TACC2: variants seen among roughly 807,000 people sequenced by gnomAD.
TACC2 encodes the protein transforming acidic coiled-coil containing protein 2.
A neutral mutation model predicts 227.3 loss-of-function variants in TACC2; 137 were observed. That is an observed-to-expected ratio of 0.60 (90% CI 0.52 to 0.69). The LOEUF (loss-of-function observed/expected upper bound fraction) is 0.69, where lower values mean the gene tolerates loss of function less well. TACC2 is among the 30% of genes least tolerant of loss of function. The pLI is 0.00. For missense variants in TACC2, 3,470 were observed against 3,694.4 expected (o/e 0.94, Z 1.57); for synonymous variants, 1,523 against 1,487.5 (o/e 1.02, Z -0.55).
In TACC2 at chr10:122,087,044, G is replaced by T; in HGVS notation, c.4544G>T (p.Gly1515Val). 6.2e-7 allele frequency: 1 copy of T among 1,613,720 alleles called. No individual in the cohort carries two copies. Residue 1515 changes from glycine (G) to valine (V), a missense_variant, in exon 4 of 23, where the codon GGG becomes GTG. Transcript: ENST00000369005. ...WERNLPGAGV[G>V]KEMAGVPPTL... is the part of the protein sequence containing the mutation. ...CGGAACTTGCCAGGTGCCGGTGTGG[G>T]GAAGGAGATGGCAGGTGTCCCACCC...
chr10:122,021,098 C>T (rs1039765844), intron 1 of TACC2, among the ~76,000 whole-genome samples: 15 of 152,142 alleles, frequency 9.9e-5, no homozygotes, highest in South Asian at 2.1e-4. Flanking sequence ...GGTGTGGTGG[C>T]GGGCGTCTGT....
In TACC2 at chr10:122,214,347, A is replaced by AT. The variant is rs200016842; in HGVS notation, c.7284-1035dup. 3.8e-3 allele frequency among the ~76,000 whole-genome samples: 574 copies of AT among 151,758 alleles called. 4 individuals are homozygous for AT. The highest frequency in any genetic ancestry group is 0.012 in the African/African-American group (486 of 41,424). On this transcript the variant is annotated intron_variant, in intron 9 of 22. Coordinates refer to ENST00000369005, the MANE Select transcript of TACC2 (RefSeq NM_206862.4). The stretch of plus-strand genomic sequence containing the variant: ...TTATAAATGCTGTAAATAGCCATTT[A>AT]TTTTTTTTTCATGATTAAATGCCAT...
intron 2 of TACC2, among the ~76,000 whole-genome samples, chr10:122,034,802 C>T (rs550686098): frequency 5.3e-5 from 8 of 151,942 alleles, no homozygotes; most frequent in African/African-American, 1.2e-4. Flanking sequence ...TGGTGGTGCA[C>T]GCTTAATCCC....
rs1046782523 is a variant in TACC2 at position 122,141,339 on chromosome 10, A to AG, written c.5700-2227dup. ...GTATGAGCCAACAGGCGGTGGAAGG[A>AG]GGGGGGCGCCTTTCTTAAATGAGCT... On this transcript the variant is annotated intron_variant, in intron 6 of 22. Coordinates refer to ENST00000369005, the MANE Select transcript of TACC2 (RefSeq NM_206862.4). This position sits in a 1 kb window ranked among gnomAD's most constrained non-coding sequence, Gnocchi z 4.3. 6.6e-6 allele frequency among the ~76,000 whole-genome samples: 1 copy of AG among 151,900 alleles called. No homozygotes were observed. The highest frequency in any genetic ancestry group is 6.6e-5 in the Admixed American group (1 of 15,240).
intron 1 of TACC2, among the ~76,000 whole-genome samples, chr10:122,008,261 A>AT (rs1554958025): frequency 3.1e-5 from 2 of 65,172 alleles, no homozygotes; most frequent in African/African-American, 1.2e-4. Flanking sequence ...TATTATTATT[A>AT]TTATTTTTTT....
At chr10:122,054,375 G>T (rs931889434) in intron 3 of TACC2, among the ~76,000 whole-genome samples, 3 of 152,192 alleles carry the variant, frequency 2.0e-5, no homozygotes, top group African/African-American at 7.2e-5. Context: ...ATCTCTTTCT[G>T]CTCAGCAGTG....
chr10:122,241,786 A>T (rs1315304524), intron 18 of TACC2, 172 bp from the exon 19 acceptor site: 1 of 657,334 alleles, frequency 1.5e-6, no homozygotes, highest in Non-Finnish European at 2.8e-6. Flanking sequence ...AGGGAGTGGC[A>T]TATTTAGAGT....
At chr10:122,187,060 C>T (rs981898742) in intron 7 of TACC2, among the ~76,000 whole-genome samples, 10 of 152,190 alleles carry the variant, frequency 6.6e-5, no homozygotes, top group African/African-American at 2.4e-4. Context: ...GCGCTTCCTG[C>T]AGTGGGCCCT....
intron 3 of TACC2, among the ~76,000 whole-genome samples, chr10:122,076,836 C>T (rs1236279695): frequency 2.6e-5 from 4 of 151,938 alleles, no homozygotes; most frequent in Non-Finnish European, 2.9e-5. Context: ...TGATCTGGGC[C>T]GGGTGCGGTG....
intron 5 of TACC2, chr10:122,088,833 A>C: frequency 7.5e-7 from 1 of 1,342,172 alleles, no homozygotes; most frequent in Non-Finnish European, 1.0e-6. Flanking sequence ...TAAATTTAAA[A>C]AGTCAGTCTG....
chr10:122,013,623 C>T (rs931300738), intron 1 of TACC2, among the ~76,000 whole-genome samples: 2 of 152,168 alleles, frequency 1.3e-5, no homozygotes, highest in South Asian at 2.1e-4. Context: ...ACCTGAGCTC[C>T]CCCTCGATGA....
At chr10:122,251,814 A>C (rs1210485906) in intron 22 of TACC2, among the ~76,000 whole-genome samples, 1 of 152,246 alleles carries the variant, frequency 6.6e-6, no homozygotes, top group Non-Finnish European at 1.5e-5. Flanking sequence ...TGTGTGTTTG[A>C]GATGGTTCCC....
At chr10:122,035,152 C>G (rs956186753) in intron 2 of TACC2, among the ~76,000 whole-genome samples, 1 of 152,178 alleles carries the variant, frequency 6.6e-6, no homozygotes, top group Admixed American at 6.5e-5. Flanking sequence ...CCGGTTCTAT[C>G]TCACAGAGGT....
chr10:122,060,301 TAGAGCCCCAGGC>T (rs572657151), intron 3 of TACC2, among the ~76,000 whole-genome samples: 148 of 152,160 alleles, frequency 9.7e-4, no homozygotes, highest in Non-Finnish European at 1.8e-3. Context: ...GGGGCCCAGG[TAGAGCCCCAGGC>T]AGAGCCCCAG....
chr10:122,245,704 CAG>C (rs2096096479), intron 19 of TACC2, among the ~76,000 whole-genome samples: 1 of 152,138 alleles, frequency 6.6e-6, no homozygotes, highest in Non-Finnish European at 1.5e-5. Flanking sequence ...CCAGGGGTCA[CAG>C]AGTTTATTAT....
chr10:122,095,881 A>G (rs888376379), intron 5 of TACC2, among the ~76,000 whole-genome samples: 1 of 152,222 alleles, frequency 6.6e-6, no homozygotes, highest in Non-Finnish European at 1.5e-5. Flanking sequence ...AATTTTGTTT[A>G]ATTTCAACTA....
intron 7 of TACC2, among the ~76,000 whole-genome samples, chr10:122,156,040 T>C (rs1382980800): frequency 1.3e-5 from 2 of 151,136 alleles, no homozygotes; most frequent in East Asian, 4.0e-4. Context: ...GGTTTCACCG[T>C]GTTAGCCAGG....
At position 122,087,766 on chromosome 10, in the gene TACC2, C is replaced by T; in HGVS notation, c.5266C>T (p.Pro1756Ser). ...GGACCCAGCCTGCTCTGACAAGGCT[C>T]CGGGGATGGAGGGTACAGCTGCCCT... ...CQDPACSDKAPGMEGTAALHG... is the reference protein window; with the variant it reads ...CQDPACSDKASGMEGTAALHG... Residue 1756 changes from proline to serine, a missense_variant, in exon 4 of 23, where the codon CCG (proline) becomes TCG (serine). Pro to Ser is a moderately conservative substitution (Grantham distance 74). This residue lies in a region of TACC2 where 1,924 missense variants were observed against 1,978.3 expected (regional missense o/e 0.97). Coordinates refer to ENST00000369005, the MANE Select transcript of TACC2 (RefSeq NM_206862.4). The T allele has an allele frequency of 6.2e-7, 1 of 1,608,636 alleles. No homozygotes were observed. Among genetic ancestry groups the T allele is most frequent in the Non-Finnish European group, 8.5e-7 (1 of 1,177,588 alleles).
intron 1 of TACC2, among the ~76,000 whole-genome samples, chr10:121,998,772 C>T (rs1356785409): frequency 6.6e-6 from 1 of 152,076 alleles, no homozygotes; most frequent in Admixed American, 6.6e-5. Flanking sequence ...GCAGCCAAGC[C>T]GCTTACATCG....
Sources: gnomAD v4.1 joint callset for allele counts (sites outside exome capture counted in the v4.1 genomes callset) on GRCh38, gnomAD v4.1.1 for gene constraint, gnomAD v4.1.1 regional missense constraint, Gnocchi (gnomAD v3.1) non-coding constraint, MANE v1.5 for transcripts, NCBI Gene and HGNC (gene_info 2026-07-23, HGNC 2026-07-21) for gene names.